The following CDH18 variants were observed in gnomAD, a reference collection of about 807,000 sequenced individuals.
CDH18 encodes the protein cadherin-18.
In CDH18, 31 loss-of-function variants were observed where a neutral mutation model predicts 67.9. That is an observed-to-expected ratio of 0.46 (90% CI 0.34 to 0.62). The LOEUF is 0.62. CDH18 is among the 20% of genes least tolerant of loss of function. CDH18 has a pLI of 0.01. For missense variants in CDH18, 890 were observed against 975.5 expected, an observed-to-expected ratio of 0.91 and a Z score of 1.17; for synonymous variants, 362 against 347.2, an observed-to-expected ratio of 1.04 and a Z score of -0.48.
At chr5:20,140,740 G>T (rs1486892806) in intron 2 of CDH18, among the ~76,000 whole-genome samples, 3 of 152,030 alleles carry the variant, frequency 2.0e-5, no homozygotes, top group Admixed American at 2.0e-4. Context: ...TTTATTGTAA[G>T]GATGGAACTG....
chr5:19,569,628 G>A (rs754338918), intron 8 of CDH18, among the ~76,000 whole-genome samples: 12 of 152,126 alleles, frequency 7.9e-5, no homozygotes, highest in South Asian at 6.2e-4. Context: ...AATATCGCAC[G>A]TTACAAGTGA....
At chr5:19,631,403 T>C (rs1037770277) in intron 5 of CDH18, among the ~76,000 whole-genome samples, 6 of 152,320 alleles carry the variant, frequency 3.9e-5, no homozygotes, top group Non-Finnish European at 5.9e-5. Flanking sequence ...TTTGATCATG[T>C]ATTAAACTGT....
At chr5:19,543,817 A>G (rs1365412322) in intron 9 of CDH18, 52 bp downstream of exon 9, 3 of 1,374,308 alleles carry the variant, frequency 2.2e-6, no homozygotes, top group African/African-American at 2.9e-5. Context: ...AAATTTCAGT[A>G]TGTCTTCTTG....
chr5:20,370,738 C>T (rs6865971), intron 1 of CDH18, among the ~76,000 whole-genome samples: 149,966 of 152,272 alleles, frequency 0.98, 73,898 homozygotes, highest in Middle Eastern at 1. Flanking sequence ...GAAAGTGTTA[C>T]TAGTTAGAAG....
intron 5 of CDH18, among the ~76,000 whole-genome samples, chr5:19,674,640 T>C (rs1759219473): frequency 6.6e-6 from 1 of 152,168 alleles, no homozygotes; most frequent in South Asian, 2.1e-4. Context: ...CAACTATTAA[T>C]ATGCATTAAA....
At chr5:20,105,588 TA>T (rs201495997) in intron 2 of CDH18, among the ~76,000 whole-genome samples, 3,159 of 152,296 alleles carry the variant, frequency 0.021, 113 homozygotes, top group African/African-American at 0.069. Flanking sequence ...TCCCTCCCTA[TA>T]AACCACCCAT....
chr5:20,429,568 G>T (rs559168184), intron 1 of CDH18, among the ~76,000 whole-genome samples: 2 of 152,018 alleles, frequency 1.3e-5, no homozygotes, highest in Admixed American at 1.3e-4. Flanking sequence ...CATTGTTCTT[G>T]AAACTGTGTA....
intron 2 of CDH18, among the ~76,000 whole-genome samples, chr5:19,950,883 T>G (rs909428447): frequency 2.0e-5 from 3 of 152,186 alleles, no homozygotes; most frequent in Non-Finnish European, 4.4e-5. Flanking sequence ...GCATTTATTT[T>G]AAAACCCACA....
chr5:20,552,475 T>TCAAA (rs1218683017), intron 1 of CDH18, among the ~76,000 whole-genome samples: 1 of 152,036 alleles, frequency 6.6e-6, no homozygotes, highest in Non-Finnish European at 1.5e-5. Flanking sequence ...AGACTCAGTT[T>TCAAA]CAAACAAACA....
intron 5 of CDH18, among the ~76,000 whole-genome samples, chr5:19,638,955 C>A: frequency 8.6e-6 from 1 of 116,682 alleles, no homozygotes; most frequent in African/African-American, 3.4e-5. Flanking sequence ...CCTCCCAGAT[C>A]GCTGGGAAGT....
At chr5:20,518,878 A>C (rs1755543158) in intron 1 of CDH18, among the ~76,000 whole-genome samples, 1 of 152,224 alleles carries the variant, frequency 6.6e-6, no homozygotes, top group African/African-American at 2.4e-5. Flanking sequence ...ATAAAGATTA[A>C]ATAGTTAAGG....
At chr5:19,838,648 C>T (rs573837727) in intron 3 of CDH18, 111 bp downstream of exon 3, 35 of 679,590 alleles carry the variant, frequency 5.2e-5, no homozygotes, top group African/African-American at 2.5e-4. Context: ...ATTCACTCTA[C>T]AACATAATTT....
At chr5:20,480,038 A>G (rs1752685492) in intron 1 of CDH18, among the ~76,000 whole-genome samples, 1 of 152,336 alleles carries the variant, frequency 6.6e-6, no homozygotes, top group East Asian at 1.9e-4. Context: ...TTCAGCAAAA[A>G]TATCCTTCAG....
At chr5:20,274,412 A>C (rs1433281450) in intron 1 of CDH18, among the ~76,000 whole-genome samples, 1 of 152,168 alleles carries the variant, frequency 6.6e-6, no homozygotes, top group Non-Finnish European at 1.5e-5. Flanking sequence ...CAATTTATAT[A>C]AAATTTTCAG....
intron 1 of CDH18, among the ~76,000 whole-genome samples, chr5:20,392,275 A>G (rs949554404): frequency 1.3e-5 from 2 of 151,902 alleles, no homozygotes; most frequent in Non-Finnish European, 2.9e-5. Context: ...AGTTTTTAAA[A>G]ATGTAAATAT....
At chr5:20,104,682 G>C (rs752297601) in intron 2 of CDH18, among the ~76,000 whole-genome samples, 24 of 151,902 alleles carry the variant, frequency 1.6e-4, no homozygotes, top group Non-Finnish European at 3.1e-4. Context: ...ACCATTCCAA[G>C]TGCTGTTCCA....
At chr5:20,092,506 T>A (rs958470604) in intron 2 of CDH18, among the ~76,000 whole-genome samples, 1 of 152,204 alleles carries the variant, frequency 6.6e-6, no homozygotes, top group African/African-American at 2.4e-5. Flanking sequence ...TAAAAGTAAT[T>A]GTAAGTGTTT....
intron 1 of CDH18, among the ~76,000 whole-genome samples, chr5:20,418,786 G>A (rs1747566719): frequency 6.6e-6 from 1 of 152,052 alleles, no homozygotes; most frequent in Non-Finnish European, 1.5e-5. Flanking sequence ...CTGAATGTTT[G>A]TGTCACCCCA....
chr5:19,692,260 A>T (rs1173320730), intron 5 of CDH18, among the ~76,000 whole-genome samples: 1 of 152,130 alleles, frequency 6.6e-6, no homozygotes, highest in African/African-American at 2.4e-5. Flanking sequence ...TACACTTAGG[A>T]CCCAAAACTG....
Sources: allele counts gnomAD v4.1 joint callset (sites outside exome capture counted in the v4.1 genomes callset), GRCh38; gene constraint gnomAD v4.1.1; transcripts MANE v1.5; gene names NCBI Gene and HGNC (gene_info 2026-07-23, HGNC 2026-07-21).